EPHA4: variants seen among roughly 807,000 people sequenced by gnomAD.
EPHA4 encodes the protein EPH receptor A4.
EPHA4 carries 19 observed loss-of-function variants against 108.3 expected under a neutral mutation model. The observed-to-expected ratio is 0.18, with a 90% CI of 0.12 to 0.26. The LOEUF is 0.26. EPHA4 is among the 10% of genes least tolerant of loss of function. The probability of loss-of-function intolerance (pLI) is 1.00; values close to 1 mark genes in which losing one functional copy is unlikely to be tolerated. For missense variants in EPHA4, 917 were observed against 1,254.0 expected, an observed-to-expected ratio of 0.73 and a Z score of 4.06; for synonymous variants, 449 against 455.5, an observed-to-expected ratio of 0.99 and a Z score of 0.18.
chr2:221,491,336 T>C (rs1692138825), intron 4 of EPHA4, among the ~76,000 whole-genome samples: 1 of 152,204 alleles, frequency 6.6e-6, no homozygotes, highest in African/African-American at 2.4e-5. Context: ...CTTTTTTGTA[T>C]CTTATTTAAC....
At chr2:221,470,093 A>G (rs1691432594) in intron 5 of EPHA4, among the ~76,000 whole-genome samples, 1 of 152,184 alleles carries the variant, frequency 6.6e-6, no homozygotes, top group African/African-American at 2.4e-5. Context: ...CATATTGACA[A>G]AGTATAAATT....
chr2:221,507,873 C>A (rs774552164), intron 3 of EPHA4, among the ~76,000 whole-genome samples: 18 of 152,150 alleles, frequency 1.2e-4, no homozygotes, highest in Non-Finnish European at 2.4e-4. Flanking sequence ...ATCTCAGAAG[C>A]TTCTAATCTT....
intron 11 of EPHA4, among the ~76,000 whole-genome samples, chr2:221,439,223 C>T (rs926990347): frequency 1.3e-5 from 2 of 151,910 alleles, no homozygotes; most frequent in African/African-American, 4.8e-5. Flanking sequence ...TAAGTCTTTT[C>T]TCTACGCTGG....
At chr2:221,478,130 A>G (rs979307257) in intron 5 of EPHA4, among the ~76,000 whole-genome samples, 1 of 152,156 alleles carries the variant, frequency 6.6e-6, no homozygotes, top group African/African-American at 2.4e-5. Context: ...CCTCACAGCT[A>G]GAAAACCAAG....
Position 221,434,133 on chromosome 2 carries a change from G to T in EPHA4, c.2496+9C>A. 1 of 1,608,552 alleles carries T rather than the reference G, an allele frequency of 6.2e-7. No individual in the cohort carries two copies. The highest frequency in any genetic ancestry group is 8.5e-7 in the Non-Finnish European group (1 of 1,177,488). On this transcript the variant is annotated intron_variant, in intron 14 of 17. Transcript: ENST00000281821. ...GTGAAAAAATATATTTCAGAACATA[G>T]AGACTTACATCTTGATTGGACATAT...
rs1559297289 is a variant in EPHA4 at position 221,566,935 on chromosome 2, A to AAG, written c.159+1781_159+1782dup. Among the ~76,000 whole-genome samples, 198 of 64,274 alleles carry AAG rather than the reference A, an allele frequency of 3.1e-3. 61 individuals are homozygous for AAG. The highest frequency in any genetic ancestry group is 0.014 in the African/African-American group (156 of 11,132). 42.2% of individuals were successfully genotyped at this position (64,274 alleles called of 152,430 possible). A position where few individuals can be genotyped will look rare whatever the true frequency, so the allele number is the denominator to read the frequency against. ...GAAGGAGAAGGAGAAGGAGAAGGAG[A>AAG]AGGAGAAGGAGAAGGAGAAGGGGAA... is the stretch of plus-strand genomic sequence containing the variant. On this transcript the variant is annotated intron_variant, in intron 2 of 17. Transcript: ENST00000281821.
At chr2:221,428,841 G>C (rs1451752540) in intron 15 of EPHA4, among the ~76,000 whole-genome samples, 4 of 152,178 alleles carry the variant, frequency 2.6e-5, no homozygotes, top group African/African-American at 9.7e-5. Context: ...GCTAATGACA[G>C]GGATTTGAAA....
chr2:221,569,887 C>T (rs1694775292), intron 1 of EPHA4, among the ~76,000 whole-genome samples: 1 of 152,100 alleles, frequency 6.6e-6, no homozygotes, highest in Admixed American at 6.5e-5. Context: ...AGTCTCTTTC[C>T]CCTACTTTTC....
chr2:221,449,381 AG>A (rs2106111646), intron 8 of EPHA4, among the ~76,000 whole-genome samples: 1 of 152,346 alleles, frequency 6.6e-6, no homozygotes, highest in Non-Finnish European at 1.5e-5. Context: ...CTGACATCTC[AG>A]GCTGATCACT....
chr2:221,519,142 G>A (rs868031857), intron 3 of EPHA4, among the ~76,000 whole-genome samples: 8 of 152,094 alleles, frequency 5.3e-5, no homozygotes, highest in Non-Finnish European at 1.2e-4. Flanking sequence ...ACTTGGCAAA[G>A]GTTCCTTTAC....
chr2:221,566,937 GGAGA>G (rs1559297298), intron 2 of EPHA4, among the ~76,000 whole-genome samples: 3,037 of 73,436 alleles, frequency 0.041, 902 homozygotes, highest in African/African-American at 0.054. Flanking sequence ...AGAAGGAGAA[GGAGA>G]AGGAGAAGGA....
Position 221,442,823 on chromosome 2 carries a change from A to C in EPHA4, c.2074+6T>G, listed in dbSNP as rs1463156376. 1.9e-6 allele frequency: 3 copies of C among 1,614,084 alleles called. No homozygotes were observed. The highest frequency in any genetic ancestry group is 2.5e-6 in the Non-Finnish European group (3 of 1,179,970). On this transcript the variant is annotated splice_donor_region_variant and intron_variant, in intron 11 of 17. Coordinates refer to ENST00000281821, the MANE Select transcript of EPHA4 (RefSeq NM_004438.5). ...CTTGGCTTTGTAAAGGGGGTGACCC[A>C]CGTACATTTAGTGACCACGCCTTCC...
intron 3 of EPHA4, among the ~76,000 whole-genome samples, chr2:221,557,856 A>G (rs1694350188): frequency 6.6e-6 from 1 of 152,230 alleles, no homozygotes; most frequent in African/African-American, 2.4e-5. Context: ...TGACATTCTC[A>G]TAAGGAAGTT....
chr2:221,436,362 C>A (rs761275384), intron 13 of EPHA4, 37 bp downstream of exon 13: 1 of 1,597,126 alleles, frequency 6.3e-7, no homozygotes, highest in East Asian at 2.2e-5. Context: ...AACAGTTTCA[C>A]CAGAGTGAAA....
At chr2:221,463,186 C>T (rs973877542) in intron 5 of EPHA4, among the ~76,000 whole-genome samples, 1 of 152,134 alleles carries the variant, frequency 6.6e-6, no homozygotes, top group African/African-American at 2.4e-5. Context: ...TGTTTTTCCA[C>T]ATACCAAATG....
intron 4 of EPHA4, among the ~76,000 whole-genome samples, chr2:221,493,499 C>T (rs1190320749): frequency 6.6e-6 from 1 of 152,176 alleles, no homozygotes; most frequent in East Asian, 1.9e-4. Flanking sequence ...TTCTCCTGAC[C>T]TTGGAAACAA....
intron 3 of EPHA4, among the ~76,000 whole-genome samples, chr2:221,548,099 A>G (rs1339591350): frequency 5.3e-5 from 8 of 152,136 alleles, no homozygotes; most frequent in Admixed American, 5.2e-4. Context: ...TGATCGGATC[A>G]TGGGGGCAGA....
At chr2:221,499,353 T>G (rs997244080) in intron 4 of EPHA4, among the ~76,000 whole-genome samples, 4 of 151,032 alleles carry the variant, frequency 2.6e-5, no homozygotes, top group South Asian at 2.1e-4. Context: ...GAGCTTGCAG[T>G]TACCTTTTCT....
At chr2:221,439,789 C>T (rs567337086) in intron 11 of EPHA4, among the ~76,000 whole-genome samples, 1 of 152,276 alleles carries the variant, frequency 6.6e-6, no homozygotes, top group Admixed American at 6.5e-5. Context: ...TTGCATTTCA[C>T]CAGATCCCTC....
Sources: gnomAD v4.1 joint callset for allele counts (sites outside exome capture counted in the v4.1 genomes callset) on GRCh38, gnomAD v4.1.1 for gene constraint, MANE v1.5 for transcripts, NCBI Gene and HGNC (gene_info 2026-07-23, HGNC 2026-07-21) for gene names.